The following MYO18A variants were observed in gnomAD, a reference collection of about 807,000 sequenced individuals.
The protein encoded by MYO18A is unconventional myosin-XVIIIa.
MYO18A carries 78 observed loss-of-function variants against 235.8 expected under a neutral mutation model. The observed-to-expected ratio is 0.33, with a 90% CI of 0.28 to 0.40. The LOEUF (loss-of-function observed/expected upper bound fraction) is 0.40. MYO18A is among the 10% of genes least tolerant of loss of function. The pLI, the probability that MYO18A is intolerant of heterozygous loss-of-function variation, is 1.00. For missense variants in MYO18A, 2,215 were observed against 2,699.3 expected, an observed-to-expected ratio of 0.82 and a Z score of 3.98; for synonymous variants, 977 against 1,077.8, an observed-to-expected ratio of 0.91 and a Z score of 1.83.
At chr17:29,124,648 C>T in intron 2 of MYO18A, 1 of 1,282,542 alleles carries the variant, frequency 7.8e-7, no homozygotes, top group South Asian at 1.2e-5. Context: ...GGGAGAGCAC[C>T]CTACCTGGCT....
rs1464263546 is a variant in MYO18A at position 29,165,950 on chromosome 17, GCTCCCTGCGAGGTCC to G, written c.976_990del (p.Gly326_Glu330del). On this transcript the variant is annotated inframe_deletion, in exon 2 of 42. Coordinates refer to ENST00000527372, the MANE Select transcript of MYO18A (RefSeq NM_078471.4). ...CCCAGGGAAGCACTCACATCGGATGGCTCCCTGCGAGGTCCCTCGCCGCTCCGCAGCCAGCTCCTG... is the reference window on the plus strand; with the variant it reads ...CCCAGGGAAGCACTCACATCGGATGGCTCGCCGCTCCGCAGCCAGCTCCTG... 2 of 1,611,988 alleles carry G rather than the reference GCTCCCTGCGAGGTCC, an allele frequency of 1.2e-6. No homozygotes were observed. The highest frequency in any genetic ancestry group is 1.7e-6 in the Non-Finnish European group (2 of 1,179,042).
At chr17:29,165,361 A>C (rs554208387) in intron 2 of MYO18A, 20 of 152,526 alleles carry the variant, frequency 1.3e-4, no homozygotes, top group African/African-American at 4.8e-4. Context: ...TTTAGGGCTC[A>C]GGAAATATGG....
In MYO18A at chr17:29,120,682, G is replaced by A; in HGVS notation, c.1662C>T (p.Thr554=). The part of the protein sequence containing the change: ...NSPTIINGNA[T]RFSQILSLDF... ...CCAGGGAGAGGATCTGGGAGAAGCG[G>A]GTGGCATTGCCATTAATGATGGTGG... Residue 554 remains threonine (T), a synonymous_variant, in exon 7 of 42, where the codon ACC becomes ACT. Transcript: ENST00000527372. The surrounding 1 kb of genome is among the most constrained non-coding windows in gnomAD (Gnocchi z 4.2). The A allele has an allele frequency of 6.2e-7, 1 of 1,613,986 alleles. No individual in the cohort carries two copies. The highest frequency in any genetic ancestry group is 2.2e-5 in the East Asian group (1 of 44,886).
intron 2 of MYO18A, among the ~76,000 whole-genome samples, chr17:29,163,641 A>T (rs778881174): frequency 3.3e-5 from 5 of 152,220 alleles, no homozygotes; most frequent in Admixed American, 6.5e-5. Context: ...GGGATGGGAT[A>T]GCAGCAGATA....
intron 41 of MYO18A, chr17:29,077,834 G>A (rs966027138): frequency 3.3e-5 from 5 of 152,366 alleles, no homozygotes; most frequent in Non-Finnish European, 7.3e-5. Flanking sequence ...AGTGTGGGAT[G>A]GCCCAGCTTT....
intron 1 of MYO18A, among the ~76,000 whole-genome samples, chr17:29,179,776 G>A (rs560310789): frequency 6.6e-6 from 1 of 152,346 alleles, no homozygotes; most frequent in Admixed American, 6.5e-5. Context: ...CTGTCTAGCA[G>A]CTGCTCCTTT....
At chr17:29,089,598 C>T (rs1420893195) in intron 37 of MYO18A, among the ~76,000 whole-genome samples, 1 of 151,904 alleles carries the variant, frequency 6.6e-6, no homozygotes, top group African/African-American at 2.4e-5. Flanking sequence ...GAACAGATTC[C>T]AGCCTGCGCA....
chr17:29,147,539 C>A (rs941092799), intron 2 of MYO18A, among the ~76,000 whole-genome samples: 1 of 150,660 alleles, frequency 6.6e-6, no homozygotes, highest in Middle Eastern at 3.2e-3. Flanking sequence ...AAAACAAAAA[C>A]CAAAAAACAT....
At position 29,111,840 on chromosome 17, in the gene MYO18A, G is replaced by C. The variant is rs114860557; in HGVS notation, c.2622C>G (p.Asp874Glu). Residue 874 changes from aspartate to glutamate, a missense_variant, in exon 16 of 42, where the codon GAC becomes GAG. Coordinates refer to ENST00000527372, the MANE Select transcript of MYO18A (RefSeq NM_078471.4). The surrounding 1 kb of genome is among the most constrained non-coding windows in gnomAD (Gnocchi z 5.1). ...ATAGCCAGAGCAGGCCCCTCGCCTCGTCTGTGCGGGCCAGCGAGCGGACCT... is the reference window on the plus strand; with the variant it reads ...ATAGCCAGAGCAGGCCCCTCGCCTCCTCTGTGCGGGCCAGCGAGCGGACCT... ...QSLVRSLARTDEARGLLWLLE... is the reference protein window; with the variant it reads ...QSLVRSLARTEEARGLLWLLE... The C allele has an allele frequency of 2.5e-6, 4 of 1,613,592 alleles. No homozygotes were observed. The highest frequency in any genetic ancestry group is 3.4e-6 in the Non-Finnish European group (4 of 1,179,650).
In MYO18A at chr17:29,081,435, G is replaced by C. The variant is rs943315419; in HGVS notation, c.6020+881C>G. Among the ~76,000 whole-genome samples the C allele has an allele frequency of 4.6e-5, 7 of 152,300 alleles. No homozygotes were observed. The South Asian group carries it at 1.5e-3, about 32-fold the overall frequency. ...ATTAAACCAATTAGAGGGGGCTGCT[G>C]GGTGCTTCTGGTGAGGGGCCAGGCT... is the stretch of plus-strand genomic sequence containing the variant. On this transcript the variant is annotated intron_variant, in intron 41 of 41. Coordinates refer to ENST00000527372, the MANE Select transcript of MYO18A (RefSeq NM_078471.4).
intron 2 of MYO18A, among the ~76,000 whole-genome samples, chr17:29,153,651 T>C (rs982711246): frequency 2.4e-4 from 36 of 152,198 alleles, no homozygotes; most frequent in Admixed American, 1.2e-3. Context: ...CTGTGGGTCC[T>C]TGCCTAGGGC....
intron 21 of MYO18A, among the ~76,000 whole-genome samples, chr17:29,101,781 A>C (rs1020659651): frequency 3.9e-5 from 6 of 152,166 alleles, no homozygotes; most frequent in African/African-American, 1.2e-4. Context: ...ACACAATGAG[A>C]AGAGAAAGAA....
At chr17:29,122,076 C>A in intron 3 of MYO18A, 90 bp downstream of exon 3, 1 of 1,516,130 alleles carries the variant, frequency 6.6e-7, no homozygotes, top group South Asian at 1.1e-5. Flanking sequence ...GCTCACTGCT[C>A]AGCCCTCACC....
chr17:29,115,796 C>T lies in MYO18A; in HGVS notation c.2095G>A (p.Ala699Thr), dbSNP rs759148660. The T allele has an allele frequency of 6.3e-7, 1 of 1,591,398 alleles. No individual in the cohort carries two copies. Among genetic ancestry groups the T allele is most frequent in the Admixed American group, 1.8e-5 (1 of 56,726 alleles). The stretch of plus-strand genomic sequence containing the variant: ...TCCAGGCTGCAGCCCAGTAGGTACG[C>T]AGCCTTCTGGGCCCACTCATGGCGG... ...FARHEWAQKA[A>T]YLLGCSLEEL... The change falls in exon 12 of 42, where the codon GCG becomes ACG. Residue 699 changes from alanine (A) to threonine (T), a missense_variant. By Grantham distance (58) the Ala-to-Thr change is moderately conservative. Transcript: ENST00000527372.
chr17:29,098,438 A>G lies in MYO18A; in HGVS notation c.3788T>C (p.Ile1263Thr), dbSNP rs771281492. Residue 1263 changes from isoleucine to threonine, a missense_variant, in exon 24 of 42, where the codon ATC (isoleucine) becomes ACC (threonine). Physicochemically the swap from Ile to Thr is moderately conservative, Grantham distance 89. Coordinates refer to ENST00000527372, the MANE Select transcript of MYO18A (RefSeq NM_078471.4). ...EEQIRNKDEEIQQLRSKLEKA... is the reference protein window; with the variant it reads ...EEQIRNKDEETQQLRSKLEKA... Reference sequence around the variant, plus strand: ...CTCGAGCTTGCTCCGCAGCTGCTGGATCTCCTCCTAGGGTGGACCAAAGAG... The same window carrying G: ...CTCGAGCTTGCTCCGCAGCTGCTGGGTCTCCTCCTAGGGTGGACCAAAGAG... 3.1e-6 allele frequency: 5 copies of G among 1,613,630 alleles called. No individual in the cohort carries two copies. Among genetic ancestry groups the G allele is most frequent in the Admixed American group, 1.7e-5 (1 of 59,984 alleles).
At chr17:29,075,156 C>A in intron 41 of MYO18A, 1 of 452,970 alleles carries the variant, frequency 2.2e-6, no homozygotes. Flanking sequence ...CGGACTCAAG[C>A]GTGCATAAGA....
At chr17:29,177,293 G>A (rs1427018553) in intron 1 of MYO18A, among the ~76,000 whole-genome samples, 38 of 152,166 alleles carry the variant, frequency 2.5e-4, no homozygotes. Flanking sequence ...TCTCTTGTAA[G>A]TGATGATAAA....
At chr17:29,107,032 C>A (rs765408721) in intron 20 of MYO18A, 48 bp downstream of exon 20, 2 of 1,566,626 alleles carry the variant, frequency 1.3e-6, no homozygotes, top group African/African-American at 2.7e-5. Context: ...AGGGCAGCTG[C>A]TTGAGGGGCC....
chr17:29,074,318 A>G lies in MYO18A; in HGVS notation c.*452T>C. The G allele has an allele frequency of 1.1e-6, 1 of 917,270 alleles. No individual in the cohort carries two copies. Among genetic ancestry groups the G allele is most frequent in the Non-Finnish European group, 1.6e-6 (1 of 614,832 alleles). The allele number at this position is 917,270 out of a possible 1,614,324, so 56.8% of individuals were successfully genotyped here. A position where few individuals can be genotyped will look rare whatever the true frequency, so the allele number is the denominator to read the frequency against. On this transcript the variant is annotated 3_prime_UTR_variant, in exon 42 of 42. Coordinates refer to ENST00000527372, the MANE Select transcript of MYO18A (RefSeq NM_078471.4). This position sits in a 1 kb window ranked among gnomAD's most constrained non-coding sequence, Gnocchi z 4.4. ...AAAAGTAGAAAGACAGCAGGCACCA[A>G]GAAGAGAGAGCCCCCACCCCACACG...
Sources: gnomAD v4.1 joint callset for allele counts (sites outside exome capture counted in the v4.1 genomes callset) on GRCh38, gnomAD v4.1.1 for gene constraint, Gnocchi (gnomAD v3.1) non-coding constraint, MANE v1.5 for transcripts, NCBI Gene and HGNC (gene_info 2026-07-23, HGNC 2026-07-21) for gene names.